Variants in DAB1 observed in about 807,000 individuals in gnomAD.
The protein encoded by DAB1 is disabled homolog 1.
DAB1 carries 15 observed loss-of-function variants against 64.6 expected under a neutral mutation model. That is an observed-to-expected ratio of 0.23 (90% CI 0.16 to 0.36). DAB1 has a LOEUF of 0.36. Ranked by LOEUF, DAB1 falls within the 10% of genes least tolerant of loss-of-function variation. The pLI, the probability that DAB1 is intolerant of heterozygous loss-of-function variation, is 1.00. For missense variants in DAB1, 596 were observed against 706.7 expected, an observed-to-expected ratio of 0.84 and a Z score of 1.78; for synonymous variants, 235 against 251.9, an observed-to-expected ratio of 0.93 and a Z score of 0.64.
At chr1:57,929,525 T>C (rs1644925789) in intron 5 of DAB1, among the ~76,000 whole-genome samples, 1 of 152,172 alleles carries the variant, frequency 6.6e-6, no homozygotes, top group South Asian at 2.1e-4. Flanking sequence ...CAACCCAAGG[T>C]CATCTATATT....
At chr1:57,177,099 C>T (rs1557872105) in intron 2 of DAB1, among the ~76,000 whole-genome samples, 1 of 151,984 alleles carries the variant, frequency 6.6e-6, no homozygotes. Flanking sequence ...GACAACTTAG[C>T]CCTAAGATCA....
chr1:57,384,608 A>T (rs1256082788), intron 1 of DAB1, among the ~76,000 whole-genome samples: 1 of 152,238 alleles, frequency 6.6e-6, no homozygotes, highest in Admixed American at 6.5e-5. Context: ...ATTCTAACAC[A>T]TGCATGAACC....
chr1:57,231,491 A>C (rs1343421284), intron 2 of DAB1, among the ~76,000 whole-genome samples: 1 of 152,210 alleles, frequency 6.6e-6, no homozygotes, highest in Non-Finnish European at 1.5e-5. Context: ...TGTTCAATGA[A>C]TATTTAATGA....
chr1:57,577,573 C>G (rs1301475947), intron 7 of DAB1, among the ~76,000 whole-genome samples: 1 of 152,184 alleles, frequency 6.6e-6, no homozygotes, highest in East Asian at 1.9e-4. Flanking sequence ...AAGAAACAGG[C>G]TCAGAGAGGT....
chr1:57,942,176 C>G (rs1405728222), intron 5 of DAB1, among the ~76,000 whole-genome samples: 1 of 152,136 alleles, frequency 6.6e-6, no homozygotes, highest in Non-Finnish European at 1.5e-5. Flanking sequence ...ACCCTTATAT[C>G]ATTGCTCACA....
chr1:58,033,194 G>A (rs1458073070), intron 5 of DAB1, among the ~76,000 whole-genome samples: 1 of 152,208 alleles, frequency 6.6e-6, no homozygotes, highest in Non-Finnish European at 1.5e-5. Flanking sequence ...AAAGTGGACA[G>A]TGAGATCAGA....
intron 7 of DAB1, among the ~76,000 whole-genome samples, chr1:57,586,941 T>C (rs529551548): frequency 8.5e-5 from 13 of 152,318 alleles, no homozygotes; most frequent in African/African-American, 3.1e-4. Flanking sequence ...TGTGGTAAAT[T>C]CTGGGGACAA....
intron 5 of DAB1, among the ~76,000 whole-genome samples, chr1:57,949,501 A>ATCTG (rs1208173561): frequency 1.3e-5 from 2 of 150,148 alleles, no homozygotes; most frequent in Non-Finnish European, 3.0e-5. Context: ...CTATCTATCT[A>ATCTG]TCTATCTATA....
At chr1:58,234,859 A>G (rs574392967) in intron 4 of DAB1, among the ~76,000 whole-genome samples, 2 of 152,318 alleles carry the variant, frequency 1.3e-5, no homozygotes, top group East Asian at 3.9e-4. Context: ...AGCCTCATAT[A>G]TGTGGATTCC....
At position 57,349,755 on chromosome 1, in the gene DAB1, G is replaced by A. The variant is rs980991357; in HGVS notation, c.-136-58589C>T. Among the ~76,000 whole-genome samples, 9 of 152,068 alleles carry A rather than the reference G, an allele frequency of 5.9e-5. No individual in the cohort carries two copies. In the South Asian group the frequency reaches 6.2e-4, roughly 11 times the overall value. Reference sequence around the variant, plus strand: ...GACAGTGAGAATTTCCCCTCCTAGCGGGGGAAATCAAAATAAAGATCCGGA... The same window carrying A: ...GACAGTGAGAATTTCCCCTCCTAGCAGGGGAAATCAAAATAAAGATCCGGA... On this transcript the variant is annotated intron_variant, in intron 1 of 14. Coordinates refer to ENST00000371236, the MANE Select transcript of DAB1 (RefSeq NM_001365792.1).
At chr1:58,118,550 CATATATATAAAATACATATATATATAT>C (rs1557657920) in intron 5 of DAB1, among the ~76,000 whole-genome samples, 5 of 80,394 alleles carry the variant, frequency 6.2e-5, no homozygotes, top group African/African-American at 2.8e-4. Context: ...CATATATATA[CATATATATAAAATACATATATATATAT>C]ACATATATAT....
intron 7 of DAB1, among the ~76,000 whole-genome samples, chr1:57,594,566 A>G (rs17116108): frequency 0.019 from 2,969 of 152,308 alleles, 104 homozygotes; most frequent in African/African-American, 0.068. Flanking sequence ...TGAAATCACC[A>G]GCCAAATGTC....
chr1:57,127,268 G>T (rs1368119100), intron 4 of DAB1, among the ~76,000 whole-genome samples: 1 of 152,132 alleles, frequency 6.6e-6, no homozygotes, highest in African/African-American at 2.4e-5. Flanking sequence ...GGACAGCTCG[G>T]ATTTATCAAG....
At chr1:57,244,690 A>C (rs1427251589) in intron 2 of DAB1, among the ~76,000 whole-genome samples, 1 of 152,226 alleles carries the variant, frequency 6.6e-6, no homozygotes, top group Non-Finnish European at 1.5e-5. Context: ...AGTGGCTTCA[A>C]ATAAACACCA....
chr1:58,136,590 T>C (rs998890095), intron 5 of DAB1, among the ~76,000 whole-genome samples: 14 of 152,240 alleles, frequency 9.2e-5, no homozygotes, highest in South Asian at 2.1e-4. Context: ...TTGTTGGTGA[T>C]AGATTGAAAG....
At chr1:57,255,810 G>T (rs1308205604) in intron 2 of DAB1, among the ~76,000 whole-genome samples, 1 of 152,074 alleles carries the variant, frequency 6.6e-6, no homozygotes, top group African/African-American at 2.4e-5. Flanking sequence ...CCATCTGAAG[G>T]CATTAAAATA....
At chr1:58,334,346 A>T (rs1200100282) in intron 4 of DAB1, among the ~76,000 whole-genome samples, 3 of 152,188 alleles carry the variant, frequency 2.0e-5, no homozygotes, top group African/African-American at 7.2e-5. Context: ...CCACGACGTC[A>T]TGTAACATAA....
At chr1:58,298,085 G>C (rs1291406405) in intron 4 of DAB1, among the ~76,000 whole-genome samples, 1 of 152,194 alleles carries the variant, frequency 6.6e-6, no homozygotes, top group Non-Finnish European at 1.5e-5. Flanking sequence ...GAAATGTGTT[G>C]AGGCTATCAT....
intron 4 of DAB1, among the ~76,000 whole-genome samples, chr1:58,285,835 C>T (rs1438758783): frequency 6.6e-6 from 1 of 152,078 alleles, no homozygotes; most frequent in African/African-American, 2.4e-5. Context: ...AATATGGAAC[C>T]AAAGAAGAGC....
Sources: gnomAD v4.1 joint callset for allele counts (sites outside exome capture counted in the v4.1 genomes callset) on GRCh38, gnomAD v4.1.1 for gene constraint, MANE v1.5 for transcripts, NCBI Gene and HGNC (gene_info 2026-07-23, HGNC 2026-07-21) for gene names.